Variants in CTNND2 observed in about 807,000 individuals in gnomAD.
The protein encoded by CTNND2 is catenin delta 2.
In CTNND2, 22 loss-of-function variants were observed where a neutral mutation model predicts 144.4. The ratio of observed to expected loss-of-function variants is 0.15; its 90% CI spans 0.11 to 0.22. The LOEUF (loss-of-function observed/expected upper bound fraction) is 0.22, where lower values mean the gene tolerates loss of function less well. CTNND2 is among the 10% of genes least tolerant of loss of function. The pLI, the probability that CTNND2 is intolerant of heterozygous loss-of-function variation, is 1.00. For missense variants in CTNND2, 1,353 were observed against 1,618.8 expected (o/e 0.84, Z 2.82); for synonymous variants, 751 against 695.6 (o/e 1.08, Z -1.25).
At chr5:11,793,391 A>T (rs1341755235) in intron 1 of CTNND2, among the ~76,000 whole-genome samples, 1 of 152,174 alleles carries the variant, frequency 6.6e-6, no homozygotes, top group African/African-American at 2.4e-5. Context: ...GTCCCTCCCA[A>T]GATTCATATG....
intron 3 of CTNND2, among the ~76,000 whole-genome samples, chr5:11,461,021 C>G (rs555739222): frequency 1.6e-4 from 25 of 151,582 alleles, no homozygotes; most frequent in African/African-American, 6.1e-4. Flanking sequence ...TGCATTCTGG[C>G]GACAGAGCGA....
intron 15 of CTNND2, among the ~76,000 whole-genome samples, chr5:11,096,631 T>C (rs527854973): frequency 3.3e-5 from 5 of 152,352 alleles, no homozygotes; most frequent in Admixed American, 6.5e-5. Flanking sequence ...AGTTGAAAGG[T>C]TGAAGTCTTA....
chr5:11,788,726 T>A (rs1361918405), intron 1 of CTNND2, among the ~76,000 whole-genome samples: 1 of 152,068 alleles, frequency 6.6e-6, no homozygotes, highest in African/African-American at 2.4e-5. Context: ...ATGTGCGCAA[T>A]GTGCAGGTTT....
At chr5:11,306,906 C>T (rs72730980) in intron 9 of CTNND2, among the ~76,000 whole-genome samples, 15,744 of 152,218 alleles carry the variant, frequency 0.1, 1,083 homozygotes, top group East Asian at 0.23. Context: ...CACCTCTGCT[C>T]GCACTGTGCT....
intron 2 of CTNND2, among the ~76,000 whole-genome samples, chr5:11,718,208 A>T (rs1162738145): frequency 2.6e-5 from 4 of 152,310 alleles, no homozygotes; most frequent in Non-Finnish European, 5.9e-5. Flanking sequence ...CAAAAGAAGG[A>T]AGATGTCTCA....
At chr5:10,993,179 C>A (rs557184215) in intron 18 of CTNND2, among the ~76,000 whole-genome samples, 7 of 152,152 alleles carry the variant, frequency 4.6e-5, no homozygotes, top group Non-Finnish European at 7.3e-5. Context: ...AAATGCCCAC[C>A]CTCGCCTGTC....
intron 11 of CTNND2, among the ~76,000 whole-genome samples, chr5:11,164,553 G>A (rs931102195): frequency 1.3e-5 from 2 of 152,096 alleles, no homozygotes; most frequent in Non-Finnish European, 2.9e-5. Flanking sequence ...CCCTGTGCTG[G>A]TGGGCCAGGT....
chr5:11,021,502 G>A (rs1366909704), intron 17 of CTNND2, among the ~76,000 whole-genome samples: 1 of 152,152 alleles, frequency 6.6e-6, no homozygotes, highest in Non-Finnish European at 1.5e-5. Context: ...ACGTAGGATA[G>A]CACTTTATTG....
intron 3 of CTNND2, among the ~76,000 whole-genome samples, chr5:11,453,856 C>T (rs1449727004): frequency 6.6e-6 from 1 of 151,998 alleles, no homozygotes; most frequent in African/African-American, 2.4e-5. Flanking sequence ...TTATACTACT[C>T]TTCTTGAAAA....
rs1029703542 is a variant in CTNND2, at chr5:11,255,103, C to T, written c.1629-18280G>A. On this transcript the variant is annotated intron_variant, in intron 9 of 21. Coordinates refer to ENST00000304623, the MANE Select transcript of CTNND2 (RefSeq NM_001332.4). ...ATCTATGAGTTTTTTTCCTAAATAT[C>T]CCTTGACTTGTTTATGTTTCAAGTC... 2.0e-5 allele frequency among the ~76,000 whole-genome samples: 3 copies of T among 152,260 alleles called. No individual in the cohort carries two copies. In the East Asian group the frequency reaches 5.8e-4, roughly 29 times the overall value.
At chr5:11,032,127 G>C (rs932277222) in intron 16 of CTNND2, among the ~76,000 whole-genome samples, 3 of 152,184 alleles carry the variant, frequency 2.0e-5, no homozygotes, top group African/African-American at 7.2e-5. Context: ...TTGTGTCCAG[G>C]TGGTGAGACA....
intron 6 of CTNND2, among the ~76,000 whole-genome samples, chr5:11,394,949 C>A (rs535004768): frequency 6.6e-6 from 1 of 152,232 alleles, no homozygotes; most frequent in East Asian, 1.9e-4. Flanking sequence ...ATTGACCATA[C>A]TCACTTGGTC....
At chr5:11,893,702 C>A (rs745313267) in intron 1 of CTNND2, among the ~76,000 whole-genome samples, 1 of 152,132 alleles carries the variant, frequency 6.6e-6, no homozygotes, top group Non-Finnish European at 1.5e-5. Context: ...TTGGCTCTAT[C>A]CTCTCACACT....
intron 16 of CTNND2, among the ~76,000 whole-genome samples, chr5:11,039,823 A>G (rs1744494941): frequency 6.6e-6 from 1 of 152,152 alleles, no homozygotes; most frequent in Non-Finnish European, 1.5e-5. Flanking sequence ...GCACTTTGGG[A>G]GGCCGAGGCT....
At chr5:11,183,955 A>G (rs936371348) in intron 11 of CTNND2, among the ~76,000 whole-genome samples, 2 of 151,936 alleles carry the variant, frequency 1.3e-5, no homozygotes, top group African/African-American at 4.8e-5. Context: ...TTTCATTACC[A>G]CAAGCATGCG....
At chr5:11,641,446 T>G (rs954941662) in intron 2 of CTNND2, among the ~76,000 whole-genome samples, 4 of 121,782 alleles carry the variant, frequency 3.3e-5, no homozygotes, top group Non-Finnish European at 6.3e-5. Flanking sequence ...AGTAAAAGGA[T>G]ATATATATAT....
chr5:11,128,948 A>ATATATAAATATATATAATATATT (rs1491107961), intron 12 of CTNND2, among the ~76,000 whole-genome samples: 1 of 46,142 alleles, frequency 2.2e-5, no homozygotes, highest in Non-Finnish European at 4.2e-5. Context: ...TATTATATAT[A>ATATATAAATATATATAATATATT]ATATATAAAT....
At chr5:11,553,610 G>C (rs552170730) in intron 3 of CTNND2, among the ~76,000 whole-genome samples, 33 of 152,072 alleles carry the variant, frequency 2.2e-4, no homozygotes, top group Admixed American at 3.3e-4. Context: ...GGCAAAGCTA[G>C]GAAATATCAT....
At chr5:11,468,372 C>A (rs1766863470) in intron 3 of CTNND2, among the ~76,000 whole-genome samples, 1 of 152,140 alleles carries the variant, frequency 6.6e-6, no homozygotes, top group African/African-American at 2.4e-5. Flanking sequence ...ATAATAAACT[C>A]ATTTAGGACA....
Sources: allele counts gnomAD v4.1 joint callset (sites outside exome capture counted in the v4.1 genomes callset), GRCh38; gene constraint gnomAD v4.1.1; transcripts MANE v1.5; gene names NCBI Gene and HGNC (gene_info 2026-07-23, HGNC 2026-07-21).